The following MACROD2 variants were observed in gnomAD, a reference collection of about 807,000 sequenced individuals.
MACROD2 encodes mono-ADP ribosylhydrolase 2.
A neutral mutation model predicts 70.4 loss-of-function variants in MACROD2; 36 were observed. The ratio of observed to expected loss-of-function variants is 0.51; its 90% CI spans 0.39 to 0.68. The LOEUF (loss-of-function observed/expected upper bound fraction) is 0.68. Among genes scored for constraint, MACROD2 ranks in the 30% least tolerant of loss-of-function variants. The probability of loss-of-function intolerance (pLI) is 0.00; values close to 1 mark genes in which losing one functional copy is unlikely to be tolerated. For missense variants in MACROD2, 496 were observed against 538.4 expected (o/e 0.92, Z 0.78); for synonymous variants, 172 against 178.8 (o/e 0.96, Z 0.30).
At chr20:15,137,418 A>G (rs1297945102) in intron 5 of MACROD2, among the ~76,000 whole-genome samples, 2 of 151,784 alleles carry the variant, frequency 1.3e-5, no homozygotes, top group Admixed American at 1.3e-4. Context: ...AGGGACATGG[A>G]TGAAATTGGA....
At chr20:14,806,851 G>A (rs1026621183) in intron 5 of MACROD2, among the ~76,000 whole-genome samples, 3 of 152,058 alleles carry the variant, frequency 2.0e-5, no homozygotes, top group Admixed American at 6.6e-5. Context: ...AGGGCCCACC[G>A]CAGCACTGCA....
chr20:15,980,853 G>C (rs1014969748), intron 13 of MACROD2, among the ~76,000 whole-genome samples: 1 of 152,122 alleles, frequency 6.6e-6, no homozygotes, highest in Non-Finnish European at 1.5e-5. Flanking sequence ...AATAGTAAAG[G>C]CTTGACCGGT....
At chr20:15,053,709 G>T (rs936539995) in intron 5 of MACROD2, among the ~76,000 whole-genome samples, 2 of 152,172 alleles carry the variant, frequency 1.3e-5, no homozygotes, top group African/African-American at 4.8e-5. Flanking sequence ...TATGGATCAA[G>T]GAGTAAGTAT....
intron 5 of MACROD2, among the ~76,000 whole-genome samples, chr20:14,758,416 A>G (rs1358350613): frequency 6.6e-6 from 1 of 152,186 alleles, no homozygotes; most frequent in Admixed American, 6.5e-5. Flanking sequence ...TAAAGCATGC[A>G]GTCCTGTATT....
intron 6 of MACROD2, among the ~76,000 whole-genome samples, chr20:15,305,189 T>C (rs764056230): frequency 9.2e-5 from 14 of 152,178 alleles, no homozygotes; most frequent in Non-Finnish European, 1.8e-4. Context: ...GTTCATACTT[T>C]ATAATTACAC....
At chr20:14,220,478 A>C (rs563614881) in intron 3 of MACROD2, among the ~76,000 whole-genome samples, 44 of 152,122 alleles carry the variant, frequency 2.9e-4, no homozygotes, top group African/African-American at 1.0e-3. Context: ...GAAAGATAAG[A>C]GCTTGGTTCT....
intron 4 of MACROD2, among the ~76,000 whole-genome samples, chr20:14,648,953 T>G (rs914214856): frequency 6.6e-6 from 1 of 152,178 alleles, no homozygotes; most frequent in Non-Finnish European, 1.5e-5. Context: ...CCACAGTTTC[T>G]CCTTCAAGTG....
At chr20:14,801,151 A>G (rs1167092078) in intron 5 of MACROD2, among the ~76,000 whole-genome samples, 1 of 152,216 alleles carries the variant, frequency 6.6e-6, no homozygotes. Context: ...ACTTTTCCCT[A>G]ATTGGGATAT....
intron 8 of MACROD2, among the ~76,000 whole-genome samples, chr20:15,725,625 C>T (rs1196568029): frequency 6.6e-5 from 10 of 152,014 alleles, no homozygotes; most frequent in Non-Finnish European, 1.2e-4. Flanking sequence ...TATTGAAAAG[C>T]AGTGGTAAGA....
chr20:14,713,373 T>A (rs1163185280), intron 5 of MACROD2, among the ~76,000 whole-genome samples: 1 of 152,136 alleles, frequency 6.6e-6, no homozygotes, highest in Non-Finnish European at 1.5e-5. Context: ...ACGTAAGTGG[T>A]TGAGTCAGGA....
intron 5 of MACROD2, among the ~76,000 whole-genome samples, chr20:14,968,904 A>G (rs1484443850): frequency 6.6e-6 from 1 of 152,158 alleles, no homozygotes; most frequent in Non-Finnish European, 1.5e-5. Context: ...GCACAATACT[A>G]AGCTATTTAT....
chr20:14,379,970 G>A (rs574627631), intron 3 of MACROD2, among the ~76,000 whole-genome samples: 1 of 152,164 alleles, frequency 6.6e-6, no homozygotes, highest in South Asian at 2.1e-4. Context: ...ACCTGGAAGT[G>A]GAATTGCTGG....
chr20:15,329,578 A>G (rs1237808250), intron 6 of MACROD2, among the ~76,000 whole-genome samples: 1 of 152,146 alleles, frequency 6.6e-6, no homozygotes, highest in East Asian at 1.9e-4. Flanking sequence ...TTCTTCACAC[A>G]GAAAAAATAA....
intron 3 of MACROD2, among the ~76,000 whole-genome samples, chr20:14,343,531 G>A (rs1284668286): frequency 6.6e-6 from 1 of 152,216 alleles, no homozygotes; most frequent in Non-Finnish European, 1.5e-5. Context: ...TCATAGTGAT[G>A]AGTGGGGCCA....
chr20:15,237,814 C>T (rs2077027472), intron 6 of MACROD2, among the ~76,000 whole-genome samples: 2 of 152,026 alleles, frequency 1.3e-5, no homozygotes, highest in South Asian at 4.2e-4. Flanking sequence ...TATCTTTCCC[C>T]CTTCATCAGC....
intron 6 of MACROD2, among the ~76,000 whole-genome samples, chr20:15,367,344 A>G (rs1344505711): frequency 1.3e-5 from 2 of 152,200 alleles, no homozygotes; most frequent in Non-Finnish European, 2.9e-5. Context: ...TACTGATTTT[A>G]TCAGAAATAG....
intron 5 of MACROD2, among the ~76,000 whole-genome samples, chr20:15,049,950 G>GAAA (rs746935083): frequency 4.8e-5 from 6 of 124,570 alleles, no homozygotes; most frequent in South Asian, 2.6e-4. Flanking sequence ...TCTGTCTCAG[G>GAAA]AAAAAAAAAA....
At chr20:15,686,670 C>T (rs572118614) in intron 8 of MACROD2, among the ~76,000 whole-genome samples, 22 of 152,060 alleles carry the variant, frequency 1.4e-4, no homozygotes, top group Admixed American at 8.5e-4. Flanking sequence ...ACCAGGAGTT[C>T]GAGACCAGCC....
chr20:14,302,231 G>T (rs1664927792), intron 3 of MACROD2, among the ~76,000 whole-genome samples: 1 of 152,212 alleles, frequency 6.6e-6, no homozygotes, highest in Non-Finnish European at 1.5e-5. Context: ...ATTATTGGCA[G>T]AATTGAGTTC....
Sources: gnomAD v4.1 joint callset for allele counts (sites outside exome capture counted in the v4.1 genomes callset) on GRCh38, gnomAD v4.1.1 for gene constraint, MANE v1.5 for transcripts, NCBI Gene and HGNC (gene_info 2026-07-23, HGNC 2026-07-21) for gene names.